Variants in PARD3 observed in about 807,000 individuals in gnomAD.
PARD3 encodes the protein par-3 family cell polarity regulator.
In PARD3, 75 loss-of-function variants were observed where a neutral mutation model predicts 155.4. The observed-to-expected ratio is 0.48, with a 90% confidence interval of 0.40 to 0.58. PARD3 has a LOEUF of 0.58. Among genes scored for constraint, PARD3 ranks in the 20% least tolerant of loss-of-function variants. The pLI, the probability that PARD3 is intolerant of heterozygous loss-of-function variation, is 0.00. For missense variants in PARD3, 1,642 were observed against 1,721.7 expected, an observed-to-expected ratio of 0.95 and a Z score of 0.82; for synonymous variants, 576 against 610.5, an observed-to-expected ratio of 0.94 and a Z score of 0.83.
chr10:34,509,516 CAAA>C (rs1465541463), intron 3 of PARD3, among the ~76,000 whole-genome samples: 2 of 151,894 alleles, frequency 1.3e-5, no homozygotes, highest in Non-Finnish European at 2.9e-5. Flanking sequence ...TTTTTAGAGT[CAAA>C]GAAAATGTTT....
At chr10:34,413,559 C>T (rs561018086) in intron 5 of PARD3, among the ~76,000 whole-genome samples, 51 of 151,958 alleles carry the variant, frequency 3.4e-4, no homozygotes, top group African/African-American at 1.2e-3. Context: ...TCTCATAGCC[C>T]TTTTATCCAG....
intron 2 of PARD3, among the ~76,000 whole-genome samples, chr10:34,539,064 C>T (rs1453856422): frequency 1.3e-5 from 2 of 152,204 alleles, no homozygotes; most frequent in South Asian, 2.1e-4. Flanking sequence ...TGAATATTCA[C>T]ATTTTGCTAC....
intron 2 of PARD3, among the ~76,000 whole-genome samples, chr10:34,557,795 G>A (rs2085125551): frequency 6.6e-6 from 1 of 152,046 alleles, no homozygotes; most frequent in Admixed American, 6.6e-5. Flanking sequence ...TTAGCTAGGT[G>A]TGGTGGTATA....
At chr10:34,174,572 G>A (rs1949952930) in intron 22 of PARD3, among the ~76,000 whole-genome samples, 1 of 152,150 alleles carries the variant, frequency 6.6e-6, no homozygotes, top group Admixed American at 6.6e-5. Flanking sequence ...CACCTGTCTG[G>A]CTGGCATAAA....
At chr10:34,212,710 G>A (rs1403819727) in intron 22 of PARD3, among the ~76,000 whole-genome samples, 2 of 152,164 alleles carry the variant, frequency 1.3e-5, no homozygotes, top group Non-Finnish European at 2.9e-5. Context: ...ATGGAGTTCT[G>A]TGGAGCAGCT....
chr10:34,439,841 GTACTT>G (rs2076374553), intron 5 of PARD3, among the ~76,000 whole-genome samples: 2 of 152,040 alleles, frequency 1.3e-5, no homozygotes, highest in Non-Finnish European at 2.9e-5. Context: ...CCGCAATACC[GTACTT>G]TAATTTCTTT....
chr10:34,601,219 G>A (rs373570822), intron 2 of PARD3, among the ~76,000 whole-genome samples: 82 of 149,376 alleles, frequency 5.5e-4, no homozygotes, highest in African/African-American at 2.0e-3. Context: ...TGAGGGCCAG[G>A]AGTTTGAGAC....
Position 34,245,290 on chromosome 10 carries a change from G to A in PARD3, c.3419+24367C>T, listed in dbSNP as rs144843972. Among the ~76,000 whole-genome samples, 323 of 152,316 alleles carry A rather than the reference G, an allele frequency of 2.1e-3. 3 individuals are homozygous for A. Among genetic ancestry groups the A allele is most frequent in the East Asian group, 0.019 (97 of 5,190 alleles). On this transcript the variant is annotated intron_variant, in intron 22 of 24. Transcript: ENST00000374788. ...GAGAAGGCATACGTAACGGGGGTAG[G>A]AAAATGCTTGACGCAATATGGGATG...
intron 2 of PARD3, among the ~76,000 whole-genome samples, chr10:34,679,385 A>G (rs1210010687): frequency 6.6e-6 from 1 of 152,144 alleles, no homozygotes; most frequent in Non-Finnish European, 1.5e-5. Flanking sequence ...AGGGTGTGAG[A>G]GCACACATCA....
At chr10:34,577,335 T>A (rs942698609) in intron 2 of PARD3, among the ~76,000 whole-genome samples, 1 of 152,144 alleles carries the variant, frequency 6.6e-6, no homozygotes. Flanking sequence ...GGGAAAAAAA[T>A]CTTCCAAATA....
At chr10:34,522,879 A>G (rs1823556970) in intron 2 of PARD3, among the ~76,000 whole-genome samples, 2 of 152,246 alleles carry the variant, frequency 1.3e-5, no homozygotes, top group African/African-American at 4.8e-5. Context: ...ATGGGAAATC[A>G]AGTCAAAGAT....
intron 2 of PARD3, among the ~76,000 whole-genome samples, chr10:34,556,754 T>G (rs891062676): frequency 5.3e-5 from 8 of 152,174 alleles, no homozygotes. Context: ...GTTCCAGTCA[T>G]GAACTTCAAG....
intron 2 of PARD3, among the ~76,000 whole-genome samples, chr10:34,622,007 A>G (rs1321020230): frequency 6.6e-6 from 1 of 152,214 alleles, no homozygotes; most frequent in East Asian, 1.9e-4. Flanking sequence ...GTTTTCACAT[A>G]TCTTAAAATT....
chr10:34,256,037 A>G (rs893578770), intron 22 of PARD3, among the ~76,000 whole-genome samples: 1 of 152,250 alleles, frequency 6.6e-6, no homozygotes, highest in African/African-American at 2.4e-5. Flanking sequence ...AATTAAAAAC[A>G]ACCTATAATA....
At chr10:34,576,385 T>C (rs1255481897) in intron 2 of PARD3, among the ~76,000 whole-genome samples, 1 of 152,088 alleles carries the variant, frequency 6.6e-6, no homozygotes, top group African/African-American at 2.4e-5. Context: ...AAGTTGTTAA[T>C]AGCCAAATCA....
intron 2 of PARD3, among the ~76,000 whole-genome samples, chr10:34,544,420 G>A (rs2083882285): frequency 6.6e-6 from 1 of 152,096 alleles, no homozygotes. Flanking sequence ...GGGGCATATG[G>A]CACTATATAA....
chr10:34,323,050 G>T (rs1331722487), intron 19 of PARD3, among the ~76,000 whole-genome samples: 2 of 152,176 alleles, frequency 1.3e-5, no homozygotes, highest in African/African-American at 4.8e-5. Flanking sequence ...ACCAATTTCT[G>T]TTAGTGTTAG....
At chr10:34,708,738 A>G (rs2094406130) in intron 1 of PARD3, among the ~76,000 whole-genome samples, 1 of 152,206 alleles carries the variant, frequency 6.6e-6, no homozygotes, top group Non-Finnish European at 1.5e-5. Flanking sequence ...ACTTTTCTAG[A>G]TCAAAAAGAT....
intron 7 of PARD3, among the ~76,000 whole-genome samples, chr10:34,385,861 G>A (rs1317373654): frequency 2.0e-5 from 3 of 152,190 alleles, no homozygotes; most frequent in Non-Finnish European, 4.4e-5. Flanking sequence ...GTAAGGTCTT[G>A]ATAAATGACA....
Sources: allele counts gnomAD v4.1 joint callset (sites outside exome capture counted in the v4.1 genomes callset), GRCh38; gene constraint gnomAD v4.1.1; transcripts MANE v1.5; gene names NCBI Gene and HGNC (gene_info 2026-07-23, HGNC 2026-07-21).